PAICS: variants seen among roughly 807,000 people sequenced by gnomAD.
PAICS encodes the protein phosphoribosylaminoimidazole carboxylase and phosphoribosylaminoimidazolesuccinocarboxamide synthase.
In PAICS, 33 loss-of-function variants were observed where a neutral mutation model predicts 53.7. The observed-to-expected ratio is 0.61, with a 90% CI of 0.47 to 0.82. The LOEUF (loss-of-function observed/expected upper bound fraction) is 0.82, where lower values mean the gene tolerates loss of function less well. Among genes scored for constraint, PAICS ranks in the 40% least tolerant of loss-of-function variants. The pLI, the probability that PAICS is intolerant of heterozygous loss-of-function variation, is 0.00. For missense variants in PAICS, 394 were observed against 494.1 expected (o/e 0.80, Z 1.92); for synonymous variants, 141 against 167.2 (o/e 0.84, Z 1.21).
At chr4:56,441,915 G>A (rs937978632) in intron 2 of PAICS, 55 bp downstream of exon 2, 15 of 1,198,298 alleles carry the variant, frequency 1.3e-5, no homozygotes, top group Middle Eastern at 2.0e-4. Context: ...GCATGTCGAT[G>A]TCTTTCATGT....
chr4:56,435,414 C>G (rs1380816141), upstream of PAICS: 2 of 1,613,810 alleles, frequency 1.2e-6, no homozygotes, highest in South Asian at 2.2e-5. Flanking sequence ...GTGGGCCACT[C>G]TCCTGAGGCG....
At chr4:56,413,011 T>C in the PAICS span, among the ~76,000 whole-genome samples, 2 of 80,010 alleles carry the variant, frequency 2.5e-5, no homozygotes, top group African/African-American at 8.8e-5. Context: ...TGAGTGTGGG[T>C]CTTCCACCCC....
intron 8 of PAICS, among the ~76,000 whole-genome samples, chr4:56,454,648 A>G (rs982279832): frequency 6.6e-6 from 1 of 151,850 alleles, no homozygotes; most frequent in Non-Finnish European, 1.5e-5. Context: ...CATTTTTTCA[A>G]TAGAATTTTC....
upstream of PAICS, chr4:56,435,864 T>C (rs1194048855): frequency 6.7e-7 from 1 of 1,486,362 alleles, no homozygotes; most frequent in Non-Finnish European, 9.0e-7. Context: ...ACCTCATTTC[T>C]CTTTCAGAGC....
the PAICS span, among the ~76,000 whole-genome samples, chr4:56,416,958 T>C: frequency 1.3e-5 from 2 of 152,200 alleles, no homozygotes; most frequent in African/African-American, 4.8e-5. Flanking sequence ...CAAGCAATTC[T>C]CCTGCCTCAG....
At chr4:56,444,207 C>G (rs536057136) in intron 2 of PAICS, among the ~76,000 whole-genome samples, 3 of 152,080 alleles carry the variant, frequency 2.0e-5, no homozygotes, top group Non-Finnish European at 4.4e-5. Flanking sequence ...CTACTTTTCT[C>G]ATTGTCACTC....
chr4:56,450,566 G>A (rs1718853284), intron 5 of PAICS, 53 bp from the exon 6 acceptor site: 1 of 952,918 alleles, frequency 1.0e-6, no homozygotes, highest in Non-Finnish European at 1.7e-6. Flanking sequence ...AAACCAAATA[G>A]TTTCAGGTAG....
intron 8 of PAICS, among the ~76,000 whole-genome samples, chr4:56,454,770 A>G (rs1213983948): frequency 1.3e-5 from 2 of 150,734 alleles, no homozygotes; most frequent in Admixed American, 6.6e-5. Context: ...AAGTTTAGAT[A>G]TTTTTTTCCC....
chr4:56,434,695 T>C (rs1446487698), upstream of PAICS, among the ~76,000 whole-genome samples: 1 of 152,230 alleles, frequency 6.6e-6, no homozygotes, highest in African/African-American at 2.4e-5. Flanking sequence ...TACCAATGAA[T>C]CTTTTCCAGA....
chr4:56,441,261 T>G (rs1415344319), intron 1 of PAICS, among the ~76,000 whole-genome samples: 3 of 152,216 alleles, frequency 2.0e-5, no homozygotes, highest in East Asian at 1.9e-4. Context: ...AATACTAGTA[T>G]AGTTACATTA....
the PAICS span, chr4:56,420,041 C>A: frequency 1.3e-5 from 13 of 973,604 alleles, no homozygotes; most frequent in Non-Finnish European, 1.6e-5. Context: ...TGGGAGAGGA[C>A]CAGACAGGTA....
At chr4:56,417,842 G>GTTTTTTT in the PAICS span, among the ~76,000 whole-genome samples, 4 of 136,164 alleles carry the variant, frequency 2.9e-5, no homozygotes, top group African/African-American at 8.2e-5. Context: ...TTGGTTTTTT[G>GTTTTTTT]TTTTTTTTTT....
chr4:56,429,283 C>G, the PAICS span, among the ~76,000 whole-genome samples: 6 of 152,180 alleles, frequency 3.9e-5, no homozygotes, highest in Non-Finnish European at 8.8e-5. Flanking sequence ...AGTTAGGTAA[C>G]TGTTTGGTTA....
intron 1 of PAICS, among the ~76,000 whole-genome samples, chr4:56,439,669 T>TA (rs1718239139): frequency 6.6e-6 from 1 of 152,182 alleles, no homozygotes; most frequent in Non-Finnish European, 1.5e-5. Flanking sequence ...CCTTTTTTTT[T>TA]ATTGAGACAG....
chr4:56,443,568 T>C (rs948378590), intron 2 of PAICS, among the ~76,000 whole-genome samples: 4 of 152,228 alleles, frequency 2.6e-5, no homozygotes, highest in African/African-American at 9.6e-5. Context: ...CTTAACTCTT[T>C]AAAATGTTAG....
rs1719574809 is a variant in PAICS, at chr4:56,463,263, T to C, written c.*3725T>C. On this transcript the variant is annotated 3_prime_UTR_variant, in exon 9 of 9. Coordinates refer to ENST00000512576, the MANE Select transcript of PAICS (RefSeq NM_001079524.2). ...GAAAATAGTGGAATGGAAATCAAGT[T>C]ATAAAATGGAGCTAAATATTTCTTC... 1 of 152,032 alleles carries C rather than the reference T, an allele frequency of 6.6e-6. No individual in the cohort carries two copies. Among genetic ancestry groups the C allele is most frequent in the African/African-American group, 2.4e-5 (1 of 41,394 alleles). 9.4% of individuals were successfully genotyped at this position (152,032 alleles called of 1,614,324 possible).
the PAICS span, among the ~76,000 whole-genome samples, chr4:56,417,849 T>C: frequency 1.3e-5 from 2 of 150,170 alleles, no homozygotes; most frequent in Non-Finnish European, 3.0e-5. Flanking sequence ...TTTGTTTTTT[T>C]TTTTTTTTTT....
chr4:56,434,373 T>A (rs1164867501), upstream of PAICS, among the ~76,000 whole-genome samples: 8 of 152,246 alleles, frequency 5.3e-5, no homozygotes, highest in Non-Finnish European at 1.0e-4. Flanking sequence ...GTTCCTTAAC[T>A]GTAGTGTAAG....
upstream of PAICS, among the ~76,000 whole-genome samples, chr4:56,433,275 C>A (rs1244719852): frequency 6.6e-6 from 1 of 151,358 alleles, no homozygotes. Flanking sequence ...ACATTTGTTC[C>A]TCAAAACCAC....
Sources: allele counts gnomAD v4.1 joint callset (sites outside exome capture counted in the v4.1 genomes callset), GRCh38; gene constraint gnomAD v4.1.1; transcripts MANE v1.5; gene names NCBI Gene and HGNC (gene_info 2026-07-23, HGNC 2026-07-21).